The following KCNQ5 variants were observed in gnomAD, a reference collection of about 807,000 sequenced individuals.
The protein encoded by KCNQ5 is potassium voltage-gated channel subfamily Q member 5, also known as potassium voltage-gated channel subfamily KQT member 5.
KCNQ5 carries 30 observed loss-of-function variants against 98.2 expected under a neutral mutation model. That is an observed-to-expected ratio of 0.31 (90% CI 0.23 to 0.41). The LOEUF is 0.41. Among genes scored for constraint, KCNQ5 ranks in the 10% least tolerant of loss-of-function variants. The pLI is 1.00. For synonymous variants in KCNQ5, 458 were observed against 449.4 expected (o/e 1.02, Z -0.24); for missense variants, 835 against 1,182.5 (o/e 0.71, Z 4.31).
intron 3 of KCNQ5, chr6:73,055,251 G>C: frequency 1.5e-6 from 2 of 1,290,442 alleles, no homozygotes; most frequent in Non-Finnish European, 2.2e-6. Flanking sequence ...TTTGACATCT[G>C]CTTCACCTCA....
intron 1 of KCNQ5, among the ~76,000 whole-genome samples, chr6:72,746,992 G>A (rs1273689319): frequency 6.6e-6 from 1 of 152,086 alleles, no homozygotes; most frequent in Non-Finnish European, 1.5e-5. Context: ...AATGATACAA[G>A]ATATGGATTT....
At chr6:72,625,715 T>C (rs73531872) in intron 1 of KCNQ5, among the ~76,000 whole-genome samples, 6,064 of 152,300 alleles carry the variant, frequency 0.04, 135 homozygotes, top group Middle Eastern at 0.12. Flanking sequence ...CAAGAAGAAG[T>C]CACCCAAGCT....
intron 11 of KCNQ5, among the ~76,000 whole-genome samples, chr6:73,181,991 C>T (rs1778417926): frequency 6.6e-6 from 1 of 152,204 alleles, no homozygotes; most frequent in Non-Finnish European, 1.5e-5. Context: ...CCCAGAAATT[C>T]CTTTCTAGTA....
intron 1 of KCNQ5, among the ~76,000 whole-genome samples, chr6:72,708,843 T>C (rs1769220574): frequency 6.6e-6 from 1 of 152,194 alleles, no homozygotes; most frequent in East Asian, 1.9e-4. Flanking sequence ...TTCAGACTTT[T>C]CCCTAGGTTG....
At chr6:72,809,060 C>T (rs1422561002) in intron 1 of KCNQ5, among the ~76,000 whole-genome samples, 2 of 151,606 alleles carry the variant, frequency 1.3e-5, no homozygotes, top group Admixed American at 1.3e-4. Flanking sequence ...ACTATGCAGC[C>T]ATAAAAAAAT....
At chr6:73,047,058 A>G (rs1771999890) in intron 3 of KCNQ5, among the ~76,000 whole-genome samples, 1 of 152,202 alleles carries the variant, frequency 6.6e-6, no homozygotes, top group Non-Finnish European at 1.5e-5. Context: ...TTTATTTCTC[A>G]TGATTTCACT....
At chr6:73,076,722 G>A (rs1274485767) in intron 3 of KCNQ5, among the ~76,000 whole-genome samples, 1 of 152,174 alleles carries the variant, frequency 6.6e-6, no homozygotes, top group African/African-American at 2.4e-5. Flanking sequence ...TATACAGGAA[G>A]CATAGAGTAT....
chr6:73,081,899 A>G (rs1773788828), intron 5 of KCNQ5, among the ~76,000 whole-genome samples: 1 of 152,184 alleles, frequency 6.6e-6, no homozygotes, highest in Non-Finnish European at 1.5e-5. Flanking sequence ...CTGAGGAAGA[A>G]TTCCTGAATG....
intron 1 of KCNQ5, among the ~76,000 whole-genome samples, chr6:72,972,653 T>A (rs539754118): frequency 3.5e-4 from 54 of 152,288 alleles, no homozygotes; most frequent in African/African-American, 1.3e-3. Flanking sequence ...TTCATTCATG[T>A]CCCTGCAAAG....
intron 1 of KCNQ5, among the ~76,000 whole-genome samples, chr6:72,955,085 T>C (rs1766980211): frequency 6.6e-6 from 1 of 152,248 alleles, no homozygotes; most frequent in African/African-American, 2.4e-5. Context: ...CATGGAAATT[T>C]GGCAGCAAGT....
At chr6:72,755,466 C>A (rs948466790) in intron 1 of KCNQ5, among the ~76,000 whole-genome samples, 1 of 151,966 alleles carries the variant, frequency 6.6e-6, no homozygotes, top group Non-Finnish European at 1.5e-5. Flanking sequence ...TTTATGATTC[C>A]ATTTTTATCT....
chr6:72,624,168 T>C (rs1205811792), intron 1 of KCNQ5, among the ~76,000 whole-genome samples: 1 of 152,234 alleles, frequency 6.6e-6, no homozygotes, highest in Non-Finnish European at 1.5e-5. Context: ...TATTTAAATG[T>C]GGTTAGGATA....
At chr6:72,925,080 C>T (rs758038076) in intron 1 of KCNQ5, among the ~76,000 whole-genome samples, 2 of 152,110 alleles carry the variant, frequency 1.3e-5, no homozygotes, top group African/African-American at 4.8e-5. Flanking sequence ...AATAGATGGA[C>T]CTACTGTTGA....
intron 1 of KCNQ5, among the ~76,000 whole-genome samples, chr6:72,931,225 TA>T (rs1765679092): frequency 6.6e-6 from 1 of 152,202 alleles, no homozygotes; most frequent in East Asian, 1.9e-4. Context: ...AATTCTATTT[TA>T]TTGAAACTAA....
At chr6:72,738,246 C>A (rs748304725) in intron 1 of KCNQ5, among the ~76,000 whole-genome samples, 2 of 152,102 alleles carry the variant, frequency 1.3e-5, no homozygotes, top group Non-Finnish European at 2.9e-5. Flanking sequence ...CAAGACAGGA[C>A]TCAAAATGTT....
intron 1 of KCNQ5, among the ~76,000 whole-genome samples, chr6:72,648,764 A>G (rs1410087534): frequency 1.4e-5 from 2 of 146,978 alleles, no homozygotes; most frequent in East Asian, 4.0e-4. Flanking sequence ...AGATGAATAC[A>G]TGGGCCTTCA....
intron 1 of KCNQ5, among the ~76,000 whole-genome samples, chr6:72,759,673 C>T (rs1772155630): frequency 6.6e-6 from 1 of 152,042 alleles, no homozygotes; most frequent in Non-Finnish European, 1.5e-5. Flanking sequence ...ATATAAATTG[C>T]CACCCTGTTA....
chr6:73,114,484 A>G (rs1289265104), intron 7 of KCNQ5, among the ~76,000 whole-genome samples: 1 of 152,238 alleles, frequency 6.6e-6, no homozygotes, highest in Non-Finnish European at 1.5e-5. Context: ...ATATCTTTGC[A>G]TGATTCTTTT....
chr6:73,129,016 C>A (rs1170467405), intron 9 of KCNQ5, among the ~76,000 whole-genome samples: 4 of 152,076 alleles, frequency 2.6e-5, no homozygotes, highest in African/African-American at 9.7e-5. Context: ...CATTTATTTT[C>A]TGTTATTTCA....
Sources: allele counts gnomAD v4.1 joint callset (sites outside exome capture counted in the v4.1 genomes callset), GRCh38; gene constraint gnomAD v4.1.1; transcripts MANE v1.5; gene names NCBI Gene and HGNC (gene_info 2026-07-23, HGNC 2026-07-21).